Variants in MACROD2 observed in about 807,000 individuals in gnomAD.
MACROD2 encodes mono-ADP ribosylhydrolase 2.
In MACROD2, 36 loss-of-function variants were observed where a neutral mutation model predicts 70.4. That is an observed-to-expected ratio of 0.51 (90% CI 0.39 to 0.68). MACROD2 has a LOEUF of 0.68. Ranked by LOEUF, MACROD2 falls within the 30% of genes least tolerant of loss-of-function variation. The pLI is 0.00. For synonymous variants in MACROD2, 172 were observed against 178.8 expected, an observed-to-expected ratio of 0.96 and a Z score of 0.30; for missense variants, 496 against 538.4, an observed-to-expected ratio of 0.92 and a Z score of 0.78.
At chr20:14,744,602 G>A (rs1271879335) in intron 5 of MACROD2, among the ~76,000 whole-genome samples, 3 of 152,240 alleles carry the variant, frequency 2.0e-5, no homozygotes, top group African/African-American at 4.8e-5. Context: ...CACACATTGA[G>A]TAGGCCCCTC....
intron 8 of MACROD2, among the ~76,000 whole-genome samples, chr20:15,781,717 G>A (rs774766180): frequency 2.0e-5 from 3 of 152,086 alleles, no homozygotes; most frequent in Non-Finnish European, 2.9e-5. Flanking sequence ...AATTTTCAAC[G>A]TCTGAATTTT....
rs61457273 is a variant in MACROD2 at position 14,682,342 on chromosome 20, T to A, written c.302-2501T>A. Among the ~76,000 whole-genome samples, 820 of 152,058 alleles carry A rather than the reference T, an allele frequency of 5.4e-3. 16 individuals are homozygous for A. Among genetic ancestry groups the A allele is most frequent in the African/African-American group, 0.019 (782 of 41,516 alleles). ...ACTTAATTTTTCCCTTATACAGTAATCTCACCCTCTGTTTCCCATCTCATA... is the reference window on the plus strand; with the variant it reads ...ACTTAATTTTTCCCTTATACAGTAAACTCACCCTCTGTTTCCCATCTCATA... On this transcript the variant is annotated intron_variant, in intron 4 of 17. Coordinates refer to ENST00000684519, the MANE Select transcript of MACROD2 (RefSeq NM_001351661.2).
intron 7 of MACROD2, among the ~76,000 whole-genome samples, chr20:15,467,469 C>G (rs1245666678): frequency 2.0e-5 from 3 of 152,356 alleles, no homozygotes; most frequent in African/African-American, 4.8e-5. Flanking sequence ...TCCTACCTCT[C>G]CAAGGCGAAA....
chr20:14,293,259 T>C (rs1316345152), intron 3 of MACROD2, among the ~76,000 whole-genome samples: 1 of 151,462 alleles, frequency 6.6e-6, no homozygotes, highest in Non-Finnish European at 1.5e-5. Context: ...GTCTTTGCCA[T>C]CAAGTAGTAT....
intron 5 of MACROD2, among the ~76,000 whole-genome samples, chr20:14,704,147 A>G (rs2071239972): frequency 6.6e-6 from 1 of 152,128 alleles, no homozygotes; most frequent in African/African-American, 2.4e-5. Flanking sequence ...TTCCAGCATT[A>G]ATCTACCCAA....
intron 5 of MACROD2, among the ~76,000 whole-genome samples, chr20:14,967,671 C>T (rs1460630551): frequency 6.6e-6 from 1 of 152,096 alleles, no homozygotes; most frequent in Non-Finnish European, 1.5e-5. Context: ...TTTAAGTAAA[C>T]TTGCCTATTC....
intron 8 of MACROD2, among the ~76,000 whole-genome samples, chr20:15,543,995 C>T (rs374640001): frequency 6.6e-6 from 1 of 152,210 alleles, no homozygotes; most frequent in East Asian, 1.9e-4. Context: ...AGTCACATGG[C>T]TGAGCACAGC....
chr20:15,783,255 C>T (rs1487934904), intron 8 of MACROD2, among the ~76,000 whole-genome samples: 3 of 152,128 alleles, frequency 2.0e-5, no homozygotes, highest in Non-Finnish European at 4.4e-5. Context: ...ATATGGGCAT[C>T]TTTAACTCTT....
Position 14,705,284 on chromosome 20 carries a change from C to T in MACROD2, c.418+20325C>T, listed in dbSNP as rs6110400. ...ATTCATGTTCGTACTTTTTATGTCC[C>T]TTCCCCTCCCAAGCATAATATAAAC... On this transcript the variant is annotated intron_variant, in intron 5 of 17. Coordinates refer to ENST00000684519, the MANE Select transcript of MACROD2 (RefSeq NM_001351661.2). 1.7e-3 allele frequency among the ~76,000 whole-genome samples: 256 copies of T among 152,102 alleles called. 1 individual carries two copies. The highest frequency in any genetic ancestry group is 5.8e-3 in the African/African-American group (240 of 41,478).
At chr20:15,761,771 A>G (rs2051440150) in intron 8 of MACROD2, among the ~76,000 whole-genome samples, 1 of 152,222 alleles carries the variant, frequency 6.6e-6, no homozygotes, top group South Asian at 2.1e-4. Flanking sequence ...AGCCTTGCAA[A>G]TAACCTATTT....
intron 2 of MACROD2, among the ~76,000 whole-genome samples, chr20:14,063,759 A>T (rs1246239104): frequency 6.6e-6 from 1 of 152,060 alleles, no homozygotes; most frequent in Non-Finnish European, 1.5e-5. Context: ...ACAGGGTCTC[A>T]CTCTGCAGCC....
chr20:14,764,727 G>A (rs1437800758), intron 5 of MACROD2, among the ~76,000 whole-genome samples: 1 of 152,128 alleles, frequency 6.6e-6, no homozygotes, highest in Non-Finnish European at 1.5e-5. Flanking sequence ...GCTTAGAAGG[G>A]GAAGAGAATG....
At position 15,901,440 on chromosome 20, in the gene MACROD2, T is replaced by C. The variant is rs192023162; in HGVS notation, c.775+15629T>C. Among the ~76,000 whole-genome samples, 872 of 152,280 alleles carry C rather than the reference T, an allele frequency of 5.7e-3. 11 individuals carry two copies. Among genetic ancestry groups the C allele is most frequent in the African/African-American group, 0.02 (814 of 41,544 alleles). On this transcript the variant is annotated intron_variant, in intron 10 of 17. Coordinates refer to ENST00000684519, the MANE Select transcript of MACROD2 (RefSeq NM_001351661.2). ...GATGTGATAGTCTTTCATGATGCTG[T>C]GCAGTGAGCCACAGCCCCCAGTCAG...
intron 5 of MACROD2, among the ~76,000 whole-genome samples, chr20:15,166,868 G>T (rs944260046): frequency 6.6e-6 from 1 of 150,638 alleles, no homozygotes; most frequent in African/African-American, 2.4e-5. Flanking sequence ...TTAAATTTAA[G>T]TATTAACTTA....
chr20:14,210,778 T>A (rs1009154689), intron 3 of MACROD2, among the ~76,000 whole-genome samples: 1 of 152,134 alleles, frequency 6.6e-6, no homozygotes, highest in Non-Finnish European at 1.5e-5. Flanking sequence ...ATAAGAGTGG[T>A]AAAAGTGTAA....
intron 6 of MACROD2, among the ~76,000 whole-genome samples, chr20:15,350,571 GT>G (rs1212090193): frequency 1.3e-5 from 2 of 152,132 alleles, no homozygotes; most frequent in African/African-American, 4.8e-5. Flanking sequence ...ATGGGATCAC[GT>G]ATTAGGATTT....
chr20:14,280,740 A>C (rs561958867), intron 3 of MACROD2, among the ~76,000 whole-genome samples: 29 of 152,310 alleles, frequency 1.9e-4, no homozygotes, highest in African/African-American at 7.0e-4. Context: ...AGGAAAAAAA[A>C]CTTCCATATA....
intron 5 of MACROD2, among the ~76,000 whole-genome samples, chr20:14,840,977 G>A (rs142587337): frequency 4.6e-5 from 7 of 152,052 alleles, no homozygotes; most frequent in African/African-American, 9.7e-5. Context: ...GACGTGAAAC[G>A]AGTGTTATTA....
intron 5 of MACROD2, among the ~76,000 whole-genome samples, chr20:15,017,339 C>T (rs1448684980): frequency 6.6e-6 from 1 of 152,210 alleles, no homozygotes; most frequent in African/African-American, 2.4e-5. Context: ...ATCTCACATC[C>T]AGGTAATGCT....
Sources: allele counts gnomAD v4.1 joint callset (sites outside exome capture counted in the v4.1 genomes callset), GRCh38; gene constraint gnomAD v4.1.1; transcripts MANE v1.5; gene names NCBI Gene and HGNC (gene_info 2026-07-23, HGNC 2026-07-21).